The following LEPR variants were observed in gnomAD, a reference collection of about 807,000 sequenced individuals.
LEPR encodes the protein OB receptor.
LEPR carries 56 observed loss-of-function variants against 114.7 expected under a neutral mutation model. The observed-to-expected ratio is 0.49, with a 90% CI of 0.39 to 0.61. LEPR has a LOEUF of 0.61. LEPR is among the 20% of genes least tolerant of loss of function. LEPR has a pLI of 0.00. For missense variants in LEPR, 1,202 were observed against 1,352.9 expected, an observed-to-expected ratio of 0.89 and a Z score of 1.75; for synonymous variants, 443 against 461.4, an observed-to-expected ratio of 0.96 and a Z score of 0.51.
At chr1:65,461,177 G>A (rs1045970117) in intron 2 of LEPR, among the ~76,000 whole-genome samples, 1 of 151,692 alleles carries the variant, frequency 6.6e-6, no homozygotes, top group Non-Finnish European at 1.5e-5. Flanking sequence ...GTTTTACCAT[G>A]TTGGCCAGGC....
Position 65,601,476 on chromosome 1 carries a change from T to C in LEPR, c.1079T>C (p.Ile360Thr). The C allele has an allele frequency of 6.2e-7, 1 of 1,613,744 alleles. No individual in the cohort carries two copies. The highest frequency in any genetic ancestry group is 1.1e-5 in the South Asian group (1 of 91,074). Reference sequence around the variant, plus strand: ...TGCATCTATAAGAAGGAAAACAAGATTGTTCCCTCAAAAGAGATTGTTTGG... The same window carrying C: ...TGCATCTATAAGAAGGAAAACAAGACTGTTCCCTCAAAAGAGATTGTTTGG... ...FHCIYKKENKIVPSKEIVWWM... is the reference protein window; with the variant it reads ...FHCIYKKENKTVPSKEIVWWM... Residue 360 changes from isoleucine to threonine, a missense_variant, in exon 9 of 20, where the codon ATT becomes ACT. Ile to Thr is a moderately conservative substitution (Grantham distance 89). Coordinates refer to ENST00000349533, the MANE Select transcript of LEPR (RefSeq NM_002303.6).
At chr1:65,476,394 T>C (rs942597918) in intron 2 of LEPR, among the ~76,000 whole-genome samples, 1 of 152,120 alleles carries the variant, frequency 6.6e-6, no homozygotes, top group Non-Finnish European at 1.5e-5. Flanking sequence ...TACTAAGTGC[T>C]GGGATAAAGC....
At chr1:65,423,757 C>A (rs548994222) in intron 1 of LEPR, among the ~76,000 whole-genome samples, 3 of 152,210 alleles carry the variant, frequency 2.0e-5, no homozygotes, top group African/African-American at 4.8e-5. Flanking sequence ...AGGAAGCAAT[C>A]AAAAATGTTC....
At chr1:65,459,778 A>G (rs1387527958) in intron 2 of LEPR, among the ~76,000 whole-genome samples, 1 of 152,160 alleles carries the variant, frequency 6.6e-6, no homozygotes, top group Admixed American at 6.5e-5. Context: ...TATTTCTTCA[A>G]CATTATTGGA....
At chr1:65,420,664 G>C, upstream of LEPR, 1 of 1,552,292 alleles carries the variant, frequency 6.4e-7, no homozygotes, top group Non-Finnish European at 8.7e-7. Context: ...GGTCTGGCTT[G>C]GGCAGGCTGC....
At chr1:65,492,329 ATTATC>A (rs1570552905) in intron 2 of LEPR, among the ~76,000 whole-genome samples, 1 of 152,034 alleles carries the variant, frequency 6.6e-6, no homozygotes, top group Non-Finnish European at 1.5e-5. Context: ...TACCGTTGTC[ATTATC>A]TTAGCTTAGG....
intron 2 of LEPR, among the ~76,000 whole-genome samples, chr1:65,515,706 C>T (rs531509729): frequency 9.9e-5 from 15 of 152,284 alleles, no homozygotes; most frequent in Non-Finnish European, 2.1e-4. Context: ...ATGCCCCTTT[C>T]ATTCAAAAAG....
At chr1:65,606,262 C>T (rs1452357541) in intron 11 of LEPR, among the ~76,000 whole-genome samples, 1 of 152,038 alleles carries the variant, frequency 6.6e-6, no homozygotes, top group African/African-American at 2.4e-5. Context: ...TACTTAATAT[C>T]CCAGGATAGC....
intron 7 of LEPR, among the ~76,000 whole-genome samples, chr1:65,597,128 A>G (rs1656118628): frequency 6.6e-6 from 1 of 152,004 alleles, no homozygotes; most frequent in South Asian, 2.1e-4. Flanking sequence ...GAATTCTGTT[A>G]GGTCAGTTTA....
intron 19 of LEPR, chr1:65,629,433 AT>A: frequency 5.0e-6 from 2 of 399,034 alleles, no homozygotes; most frequent in South Asian, 3.8e-5. Flanking sequence ...TTATGTAAAT[AT>A]TGTGACTTAC....
intron 2 of LEPR, among the ~76,000 whole-genome samples, chr1:65,440,400 A>G (rs964762377): frequency 1.3e-5 from 2 of 151,720 alleles, no homozygotes; most frequent in Non-Finnish European, 2.9e-5. Flanking sequence ...TAAACTTCAC[A>G]AATAAGTCAA....
intron 2 of LEPR, among the ~76,000 whole-genome samples, chr1:65,455,383 T>C (rs1336209937): frequency 2.6e-5 from 4 of 152,252 alleles, no homozygotes; most frequent in Non-Finnish European, 1.5e-5. Context: ...TCCCAGTTTT[T>C]CTGCTCTGTT....
chr1:65,614,602 C>G (rs534065527), intron 14 of LEPR, among the ~76,000 whole-genome samples: 1 of 152,210 alleles, frequency 6.6e-6, no homozygotes, highest in East Asian at 1.9e-4. Flanking sequence ...AGGGGACAAG[C>G]AAGTAAATGG....
At chr1:65,551,201 G>T (rs1354554085) in intron 2 of LEPR, among the ~76,000 whole-genome samples, 2 of 152,034 alleles carry the variant, frequency 1.3e-5, no homozygotes, top group Non-Finnish European at 2.9e-5. Flanking sequence ...TCTATGCCAG[G>T]TTTTAGTATC....
intron 2 of LEPR, among the ~76,000 whole-genome samples, chr1:65,470,969 C>T (rs1413984927): frequency 6.6e-6 from 1 of 152,090 alleles, no homozygotes; most frequent in East Asian, 1.9e-4. Flanking sequence ...GTCTTCTTCA[C>T]GTGGTTCAAA....
chr1:65,623,974 A>G (rs1338240469), intron 19 of LEPR, among the ~76,000 whole-genome samples: 1 of 152,082 alleles, frequency 6.6e-6, no homozygotes, highest in Non-Finnish European at 1.5e-5. Flanking sequence ...AGTGTAATTC[A>G]AAAGAATTTC....
intron 2 of LEPR, among the ~76,000 whole-genome samples, chr1:65,544,313 G>A (rs1209743725): frequency 6.6e-6 from 1 of 152,044 alleles, no homozygotes; most frequent in African/African-American, 2.4e-5. Context: ...CTTTGCTGAA[G>A]TTGCTTATCA....
intron 19 of LEPR, chr1:65,634,652 C>CA: frequency 1.0e-6 from 1 of 977,656 alleles, no homozygotes; most frequent in Non-Finnish European, 1.2e-6. Context: ...TGAAATATAT[C>CA]AAACACATCA....
intron 2 of LEPR, among the ~76,000 whole-genome samples, chr1:65,530,650 C>G (rs1405355183): frequency 2.0e-5 from 3 of 152,174 alleles, no homozygotes; most frequent in Admixed American, 1.3e-4. Context: ...AGACGTCACT[C>G]TCGTCATCAT....
Sources: gnomAD v4.1 joint callset for allele counts (sites outside exome capture counted in the v4.1 genomes callset) on GRCh38, gnomAD v4.1.1 for gene constraint, MANE v1.5 for transcripts, NCBI Gene and HGNC (gene_info 2026-07-23, HGNC 2026-07-21) for gene names.